The following PKLR variants were observed in gnomAD, a reference collection of about 807,000 sequenced individuals.
PKLR encodes the protein pyruvate kinase L/R, also known as pyruvate kinase PKLR.
A neutral mutation model predicts 53.6 loss-of-function variants in PKLR; 38 were observed. The observed-to-expected ratio is 0.71, with a 90% CI of 0.55 to 0.93. The LOEUF (loss-of-function observed/expected upper bound fraction) is 0.93, where lower values mean the gene tolerates loss of function less well. PKLR is among the 40% of genes least tolerant of loss of function. The probability of loss-of-function intolerance (pLI) is 0.00; values close to 1 mark genes in which losing one functional copy is unlikely to be tolerated. For synonymous variants in PKLR, 328 were observed against 316.2 expected (o/e 1.04, Z -0.39); for missense variants, 702 against 787.3 (o/e 0.89, Z 1.30).
At chr1:155,303,647 C>T (rs966175885), upstream of PKLR, among the ~76,000 whole-genome samples, 4 of 152,132 alleles carry the variant, frequency 2.6e-5, no homozygotes, top group Admixed American at 2.0e-4. Flanking sequence ...TTTTTGGAAG[C>T]GGAGTTTCAC....
upstream of PKLR, among the ~76,000 whole-genome samples, chr1:155,301,598 A>C (rs775634208): frequency 6.6e-6 from 1 of 152,012 alleles, no homozygotes; most frequent in Non-Finnish European, 1.5e-5. Flanking sequence ...TTTCCTGATA[A>C]ATTTTCAATC....
intron 2 of PKLR, among the ~76,000 whole-genome samples, chr1:155,298,835 G>A (rs1449802232): frequency 2.0e-5 from 3 of 150,464 alleles, no homozygotes; most frequent in African/African-American, 7.4e-5. Flanking sequence ...TAGAAACAGA[G>A]TTTCACCACA....
At chr1:155,305,762 C>T (rs7534795), upstream of PKLR, among the ~76,000 whole-genome samples, 58,423 of 150,816 alleles carry the variant, frequency 0.39, 13,800 homozygotes, top group East Asian at 0.7. Context: ...CCCAAGGAGT[C>T]GGGACTACAG....
intron 2 of PKLR, among the ~76,000 whole-genome samples, chr1:155,299,304 C>T (rs530605659): frequency 6.6e-6 from 1 of 151,418 alleles, no homozygotes; most frequent in East Asian, 1.9e-4. Context: ...GATCCTCCCA[C>T]CTCAGCCTCC....
At chr1:155,294,457 A>G (rs1326681611) in intron 6 of PKLR, 25 bp downstream of exon 6, 5 of 1,614,236 alleles carry the variant, frequency 3.1e-6, no homozygotes, top group East Asian at 4.5e-5. Flanking sequence ...GACAGGGCCG[A>G]AGGGGAACAG....
chr1:155,308,055 C>CTTT, the PKLR span, among the ~76,000 whole-genome samples: 5 of 123,796 alleles, frequency 4.0e-5, no homozygotes, highest in Admixed American at 8.2e-5. Context: ...TGAGACTCAT[C>CTTT]TTTTTTTTTT....
chr1:155,292,321 TAAG>T (rs917120570), intron 9 of PKLR, among the ~76,000 whole-genome samples: 2 of 150,022 alleles, frequency 1.3e-5, no homozygotes, highest in African/African-American at 5.0e-5. Context: ...AATGAGATAA[TAAG>T]GAGAAATCTC....
chr1:155,294,141 A>G, intron 7 of PKLR, 94 bp downstream of exon 7: 1 of 1,449,132 alleles, frequency 6.9e-7, no homozygotes, highest in Non-Finnish European at 9.7e-7. Context: ...TCAAAAAACA[A>G]AACAAAACAA....
rs1647374288 is a variant in PKLR, at chr1:155,293,854, T to TCACACC, written c.1117-265_1117-264insGGTGTG. Among the ~76,000 whole-genome samples the TCACACC allele has an allele frequency of 6.6e-6, 1 of 152,152 alleles. No individual in the cohort carries two copies. Among genetic ancestry groups the TCACACC allele is most frequent in the Admixed American group, 6.5e-5 (1 of 15,278 alleles). On this transcript the variant is annotated intron_variant, in intron 7 of 10. Coordinates refer to ENST00000342741, the MANE Select transcript of PKLR (RefSeq NM_000298.6). The surrounding 1 kb of genome is among the most constrained non-coding windows in gnomAD (Gnocchi z 4.2). ...TGTGCTATAAACCTACAGTGTGGGC[T>TCACACC]GGGTGCAGTGGCTCACACCTGTAAT...
At chr1:155,296,847 A>G (rs1219527461) in intron 2 of PKLR, among the ~76,000 whole-genome samples, 1 of 148,594 alleles carries the variant, frequency 6.7e-6, no homozygotes, top group African/African-American at 2.5e-5. Flanking sequence ...AACCCACCCC[A>G]CTCAGGCGTT....
In PKLR at chr1:155,293,120, G is replaced by T; in HGVS notation, c.1436+57C>A. ...CAGACTAAACCCAAGCCTGGGGCCC[G>T]TCCCAGCCCACCCCTGACCCAAAGC... On this transcript the variant is annotated intron_variant, in intron 9 of 10. Coordinates refer to ENST00000342741, the MANE Select transcript of PKLR (RefSeq NM_000298.6). This position sits in a 1 kb window ranked among gnomAD's most constrained non-coding sequence, Gnocchi z 4.2. 2 of 1,256,638 alleles carry T rather than the reference G, an allele frequency of 1.6e-6. No individual in the cohort carries two copies. The highest frequency in any genetic ancestry group is 2.3e-6 in the Non-Finnish European group (2 of 863,880). 77.8% of individuals were successfully genotyped at this position (1,256,638 alleles called of 1,614,324 possible).
In PKLR at chr1:155,300,194, C is replaced by T. The variant is rs1165604977; in HGVS notation, c.187G>A (p.Ala63Thr). 3.1e-6 allele frequency: 5 copies of T among 1,613,806 alleles called. No individual in the cohort carries two copies. Among genetic ancestry groups the T allele is most frequent in the Admixed American group, 1.7e-5 (1 of 60,006 alleles). Reference protein sequence around the residue: ...TAFFQQQQLPAAMADTFLEHL... With the variant: ...TAFFQQQQLPTAMADTFLEHL... ...TCCAGGAAGGTGTCTGCCATAGCAG[C>T]TGGCAGCTGCTGCTGCTGGAAGAAG... The change falls in exon 2 of 11, where the codon GCT (alanine) becomes ACT (threonine). Residue 63 changes from alanine (A) to threonine (T), a missense_variant. This residue lies in a region of PKLR where 519 missense variants were observed against 537.1 expected (regional missense o/e 0.97). Transcript: ENST00000342741.
intron 2 of PKLR, among the ~76,000 whole-genome samples, chr1:155,296,239 T>A (rs528291272): frequency 6.6e-6 from 1 of 152,318 alleles, no homozygotes; most frequent in East Asian, 1.9e-4. Flanking sequence ...TCCCTATCTG[T>A]CTTTCCACTT....
chr1:155,298,460 C>A (rs1379401631), intron 2 of PKLR, among the ~76,000 whole-genome samples: 2 of 151,728 alleles, frequency 1.3e-5, no homozygotes, highest in African/African-American at 4.9e-5. Flanking sequence ...TCCTGAGTAG[C>A]TGGGATTACA....
chr1:155,300,007 T>A, intron 2 of PKLR, 91 bp downstream of exon 2: 1 of 1,302,984 alleles, frequency 7.7e-7, no homozygotes, highest in South Asian at 1.2e-5. Context: ...GTGTCAAACA[T>A]GGAGAAGTCT....
In PKLR at chr1:155,295,249, C is replaced by G; in HGVS notation, c.561G>C (p.Val187=). The G allele has an allele frequency of 6.2e-7, 1 of 1,614,130 alleles. No individual in the cohort carries two copies. The highest frequency in any genetic ancestry group is 8.5e-7 in the Non-Finnish European group (1 of 1,180,006). Reference sequence around the variant, plus strand: ...TCCCCCGCGTCCGGAACGCGGGGTCCACAGTCACCAGCACCTGGGAGCCCT... The same window carrying G: ...TCCCCCGCGTCCGGAACGCGGGGTCGACAGTCACCAGCACCTGGGAGCCCT... The part of the protein sequence containing the change: ...LVKGSQVLVT[V]DPAFRTRGNA... Residue 187 remains valine (V), a synonymous_variant, in exon 5 of 11, where the codon GTG becomes GTC. Transcript: ENST00000342741. This position sits in a 1 kb window ranked among gnomAD's most constrained non-coding sequence, Gnocchi z 4.3.
chr1:155,295,676 C>T lies in PKLR; in HGVS notation c.364G>A (p.Gly122Ser), dbSNP rs1647545745. 6.2e-7 allele frequency: 1 copy of T among 1,614,102 alleles called. No homozygotes were observed. Among genetic ancestry groups the T allele is most frequent in the Non-Finnish European group, 8.5e-7 (1 of 1,179,982 alleles). The change falls in exon 3 of 11, where the codon GGC becomes AGC. Residue 122 changes from glycine (G) to serine (S), a missense_variant. Coordinates refer to ENST00000342741, the MANE Select transcript of PKLR (RefSeq NM_000298.6). The surrounding 1 kb of genome is among the most constrained non-coding windows in gnomAD (Gnocchi z 4.3). The stretch of plus-strand genomic sequence containing the variant: ...GGCCCGTCCCGCACCTCGTGGGAGC[C>T]GTGGGAGAAGTTGAGTCGCGCAATG... ...MNIARLNFSHGSHEYHAESIA... is the reference protein window; with the variant it reads ...MNIARLNFSHSSHEYHAESIA...
chr1:155,299,000 TTC>T (rs1228836171), intron 2 of PKLR, among the ~76,000 whole-genome samples: 19 of 100,612 alleles, frequency 1.9e-4, no homozygotes, highest in African/African-American at 9.6e-4. Flanking sequence ...CTTTCTTTCT[TTC>T]TTTCTTTCTT....
rs2071053 is a variant in PKLR at position 155,295,386 on chromosome 1, A to T, written c.507+51T>A. ...TGCCCACGCCTGGGCCCAACCCTACAGGCGCCGCCTTTCCGGCCCTGGCCC... is the reference window on the plus strand; with the variant it reads ...TGCCCACGCCTGGGCCCAACCCTACTGGCGCCGCCTTTCCGGCCCTGGCCC... On this transcript the variant is annotated intron_variant, in intron 4 of 10. Transcript: ENST00000342741. The surrounding 1 kb of genome is among the most constrained non-coding windows in gnomAD (Gnocchi z 4.3). 2.5e-6 allele frequency: 4 copies of T among 1,612,094 alleles called. No homozygotes were observed. In the South Asian group the frequency reaches 3.3e-5, roughly 13 times the overall value.
Sources: allele counts gnomAD v4.1 joint callset (sites outside exome capture counted in the v4.1 genomes callset), GRCh38; gene constraint gnomAD v4.1.1; regional missense constraint gnomAD v4.1.1; non-coding constraint Gnocchi (gnomAD v3.1); transcripts MANE v1.5; gene names NCBI Gene and HGNC (gene_info 2026-07-23, HGNC 2026-07-21).